FAAH2: variants seen among roughly 807,000 people sequenced by gnomAD.
FAAH2 encodes fatty acid amide hydrolase 2.
Under a neutral mutation model 36.9 loss-of-function variants are expected in FAAH2, and 60 were observed. The ratio of observed to expected loss-of-function variants is 1.63; its 90% CI spans 1.32 to 2.02. The LOEUF (loss-of-function observed/expected upper bound fraction) is 2.02. FAAH2 is among the 30% of genes most tolerant of loss of function. The probability of loss-of-function intolerance (pLI) is 0.00; values close to 1 mark genes in which losing one functional copy is unlikely to be tolerated. For synonymous variants in FAAH2, 214 were observed against 143.8 expected (o/e 1.49, Z -3.49); for missense variants, 689 against 397.5 (o/e 1.73, Z -6.23).
chrX:57,216,502 G>GTATA, the FAAH2 span, among the ~76,000 whole-genome samples: 4 of 52,233 alleles, frequency 7.7e-5, no homozygotes, highest in African/African-American at 3.8e-4. Context: ...ATACGTATAT[G>GTATA]TATATATATA....
intron 8 of FAAH2, among the ~76,000 whole-genome samples, chrX:57,434,334 C>T (rs1335179313): frequency 9.1e-6 from 1 of 109,631 alleles, no homozygotes; most frequent in Admixed American, 9.9e-5. Flanking sequence ...ATGCTGACCC[C>T]TAAAGTGCTG....
chrX:57,375,277 G>A (rs2054644336), intron 5 of FAAH2, among the ~76,000 whole-genome samples: 1 of 108,290 alleles, frequency 9.2e-6, no homozygotes, highest in African/African-American at 3.4e-5. Flanking sequence ...CTATCTTGTG[G>A]AATAGCATCA....
chrX:57,295,599 G>C (rs536899499), intron 2 of FAAH2, among the ~76,000 whole-genome samples: 1 of 111,778 alleles, frequency 8.9e-6, no homozygotes, highest in Non-Finnish European at 1.9e-5. Flanking sequence ...GGGAGTGCTG[G>C]ACAGTGGGTG....
intron 3 of FAAH2, among the ~76,000 whole-genome samples, chrX:57,312,633 C>G (rs192853469): frequency 3.6e-4 from 39 of 107,056 alleles, no homozygotes; most frequent in African/African-American, 1.0e-3. Flanking sequence ...TAATCCGTGC[C>G]ATTGCACTCC....
At chrX:57,194,318 T>C in the FAAH2 span, among the ~76,000 whole-genome samples, 17 of 111,612 alleles carry the variant, frequency 1.5e-4, no homozygotes, top group Admixed American at 1.2e-3. Context: ...ATATAATTAC[T>C]CATAGTATCC....
At chrX:57,133,827 A>C in the FAAH2 span, among the ~76,000 whole-genome samples, 5 of 112,036 alleles carry the variant, frequency 4.5e-5, no homozygotes, top group East Asian at 1.4e-3. Context: ...AAGAAAATTA[A>C]TCCCTGCTAC....
chrX:57,469,611 G>C (rs1431759533), intron 10 of FAAH2, among the ~76,000 whole-genome samples: 1 of 111,665 alleles, frequency 9.0e-6, no homozygotes, highest in African/African-American at 3.3e-5. Flanking sequence ...AGTCCTGAGA[G>C]ACCTACAAAG....
chrX:57,461,739 G>C (rs2056960954), intron 10 of FAAH2, among the ~76,000 whole-genome samples: 1 of 109,566 alleles, frequency 9.1e-6, no homozygotes. Flanking sequence ...ACAATTATAA[G>C]AACTACAGAA....
At chrX:57,374,651 CA>C (rs1296065305) in intron 5 of FAAH2, among the ~76,000 whole-genome samples, 1 of 111,526 alleles carries the variant, frequency 9.0e-6, no homozygotes, top group Non-Finnish European at 1.9e-5. Context: ...ATATCTTCAG[CA>C]AACAGTGACA....
intron 5 of FAAH2, among the ~76,000 whole-genome samples, chrX:57,361,152 G>A: frequency 8.9e-6 from 1 of 111,770 alleles, no homozygotes; most frequent in Non-Finnish European, 1.9e-5. Context: ...ATAGAATTCA[G>A]CAGTGAAACC....
chrX:57,270,047 T>A, the FAAH2 span, among the ~76,000 whole-genome samples: 1 of 111,920 alleles, frequency 8.9e-6, no homozygotes, highest in Non-Finnish European at 1.9e-5. Flanking sequence ...ATATTACCAC[T>A]GACCCCGCAG....
At chrX:57,307,697 T>A (rs1179543388) in intron 2 of FAAH2, among the ~76,000 whole-genome samples, 1 of 111,471 alleles carries the variant, frequency 9.0e-6, no homozygotes, top group Non-Finnish European at 1.9e-5. Context: ...ATGAATATAT[T>A]GTGTGATACT....
chrX:57,202,317 G>T, the FAAH2 span, among the ~76,000 whole-genome samples: 12 of 112,109 alleles, frequency 1.1e-4, no homozygotes, highest in East Asian at 2.3e-3. Flanking sequence ...AGACTTGAGG[G>T]TGGTAATATA....
At chrX:57,447,093 A>AT in intron 9 of FAAH2, 54 bp downstream of exon 9, 1 of 911,198 alleles carries the variant, frequency 1.1e-6, no homozygotes, top group Non-Finnish European at 1.5e-6. Context: ...ATATTTCTTA[A>AT]TATCTAAATA....
At chrX:57,311,517 G>A (rs1027746258) in intron 3 of FAAH2, among the ~76,000 whole-genome samples, 1 of 111,809 alleles carries the variant, frequency 8.9e-6, no homozygotes. Context: ...AGGGCTTGGA[G>A]CCTGGAAGCT....
the FAAH2 span, chrX:57,127,334 G>A: frequency 9.0e-6 from 1 of 111,084 alleles, no homozygotes; most frequent in Non-Finnish European, 1.9e-5. Context: ...AAACAAGCAT[G>A]AGGTAAAAAG....
chrX:57,402,027 C>G (rs1257881013), intron 7 of FAAH2, among the ~76,000 whole-genome samples: 1 of 111,350 alleles, frequency 9.0e-6, no homozygotes, highest in Non-Finnish European at 1.9e-5. Context: ...TTGTCCGGGA[C>G]AGGAGAGTAA....
the FAAH2 span, among the ~76,000 whole-genome samples, chrX:57,219,074 G>A: frequency 8.9e-6 from 1 of 111,847 alleles, no homozygotes; most frequent in African/African-American, 3.3e-5. Context: ...AAAATAGCCA[G>A]TCAGAAGACA....
chrX:57,193,797 C>A, the FAAH2 span, among the ~76,000 whole-genome samples: 1 of 111,837 alleles, frequency 8.9e-6, no homozygotes, highest in Non-Finnish European at 1.9e-5. Context: ...TAGTTTTTAA[C>A]CCTTAATTCT....
Sources: gnomAD v4.1 joint callset for allele counts (sites outside exome capture counted in the v4.1 genomes callset) on GRCh38, gnomAD v4.1.1 for gene constraint, MANE v1.5 for transcripts, NCBI Gene and HGNC (gene_info 2026-07-23, HGNC 2026-07-21) for gene names.